GALNT13: variants seen among roughly 807,000 people sequenced by gnomAD.
The protein encoded by GALNT13 is UDP-GalNAc:polypeptide N-acetylgalactosaminyltransferase 13.
A neutral mutation model predicts 64.2 loss-of-function variants in GALNT13; 28 were observed. The ratio of observed to expected loss-of-function variants is 0.44; its 90% CI spans 0.32 to 0.60. The LOEUF is 0.60. Among genes scored for constraint, GALNT13 ranks in the 20% least tolerant of loss-of-function variants. The pLI is 0.05. For missense variants in GALNT13, 577 were observed against 669.8 expected, an observed-to-expected ratio of 0.86 and a Z score of 1.53; for synonymous variants, 214 against 224.6, an observed-to-expected ratio of 0.95 and a Z score of 0.42.
At chr2:153,276,457 T>A in the GALNT13 span, among the ~76,000 whole-genome samples, 1 of 152,078 alleles carries the variant, frequency 6.6e-6, no homozygotes, top group East Asian at 1.9e-4. Flanking sequence ...GTGATCTAAT[T>A]ATATGTTTTC....
the GALNT13 span, among the ~76,000 whole-genome samples, chr2:153,497,677 A>G: frequency 3.3e-5 from 5 of 151,666 alleles, no homozygotes; most frequent in African/African-American, 1.2e-4. Context: ...AGCTGGGATT[A>G]TAGGCGCCCA....
intron 3 of GALNT13, among the ~76,000 whole-genome samples, chr2:153,998,109 T>C (rs1354084273): frequency 1.3e-5 from 2 of 152,186 alleles, no homozygotes; most frequent in East Asian, 3.9e-4. Context: ...AACATATGTG[T>C]GCATGTGTCT....
chr2:154,248,220 G>C (rs1689884174), intron 7 of GALNT13, among the ~76,000 whole-genome samples: 1 of 152,100 alleles, frequency 6.6e-6, no homozygotes, highest in Non-Finnish European at 1.5e-5. Flanking sequence ...TGAAAGCCAA[G>C]TTGAACTTGT....
the GALNT13 span, among the ~76,000 whole-genome samples, chr2:153,835,975 C>T: frequency 6.6e-6 from 1 of 151,940 alleles, no homozygotes; most frequent in Non-Finnish European, 1.5e-5. Context: ...ATTGAGTTTG[C>T]CTTAATGTGC....
the GALNT13 span, among the ~76,000 whole-genome samples, chr2:153,391,830 A>G: frequency 6.6e-6 from 1 of 151,720 alleles, no homozygotes; most frequent in Non-Finnish European, 1.5e-5. Context: ...TTTTAGTATA[A>G]AATATAATTA....
the GALNT13 span, among the ~76,000 whole-genome samples, chr2:153,108,410 T>C: frequency 6.6e-6 from 1 of 152,148 alleles, no homozygotes; most frequent in East Asian, 1.9e-4. Context: ...TTTAACTCTT[T>C]ATCTGTCTTT....
At chr2:153,780,260 C>CATAT in the GALNT13 span, among the ~76,000 whole-genome samples, 26 of 115,268 alleles carry the variant, frequency 2.3e-4, no homozygotes, top group Admixed American at 1.5e-3. Flanking sequence ...TATATATATG[C>CATAT]ATATATATAT....
intron 1 of GALNT13, among the ~76,000 whole-genome samples, chr2:153,876,048 A>G (rs1466383264): frequency 6.6e-6 from 1 of 152,166 alleles, no homozygotes; most frequent in Non-Finnish European, 1.5e-5. Flanking sequence ...TAATTATCAA[A>G]GGATTTAAAC....
chr2:154,237,658 A>G (rs1689266674), intron 4 of GALNT13, among the ~76,000 whole-genome samples: 1 of 151,090 alleles, frequency 6.6e-6, no homozygotes, highest in Admixed American at 6.6e-5. Flanking sequence ...AAATTATTGT[A>G]TTCACATGTG....
intron 3 of GALNT13, among the ~76,000 whole-genome samples, chr2:154,050,893 A>C (rs1699567526): frequency 6.6e-6 from 1 of 152,216 alleles, no homozygotes; most frequent in Non-Finnish European, 1.5e-5. Context: ...AAAAGAAATT[A>C]ACCACATGCC....
the GALNT13 span, chr2:153,593,240 G>C: frequency 6.6e-6 from 1 of 152,338 alleles, no homozygotes; most frequent in African/African-American, 2.4e-5. Flanking sequence ...GGGGTACCCA[G>C]TGAGAGTGAG....
At chr2:153,691,973 C>G in the GALNT13 span, among the ~76,000 whole-genome samples, 2 of 151,776 alleles carry the variant, frequency 1.3e-5, no homozygotes, top group African/African-American at 2.4e-5. Context: ...TGGAAACAGC[C>G]CAAACACCAT....
chr2:154,141,801 G>T (rs1683275340), intron 4 of GALNT13, among the ~76,000 whole-genome samples: 1 of 152,068 alleles, frequency 6.6e-6, no homozygotes, highest in Non-Finnish European at 1.5e-5. Flanking sequence ...TTTATAATTA[G>T]AATGCTTAAT....
the GALNT13 span, among the ~76,000 whole-genome samples, chr2:153,259,030 A>G: frequency 1.8e-4 from 27 of 152,194 alleles, 1 homozygote; most frequent in Admixed American, 1.8e-3. Flanking sequence ...GATCTGTCCA[A>G]TGCTGACAAT....
chr2:153,339,861 C>A, the GALNT13 span, among the ~76,000 whole-genome samples: 1 of 152,152 alleles, frequency 6.6e-6, no homozygotes, highest in African/African-American at 2.4e-5. Context: ...AGAGACTATT[C>A]TTTCCCCATT....
chr2:154,124,113 T>G (rs1445579205), intron 3 of GALNT13, among the ~76,000 whole-genome samples: 2 of 152,042 alleles, frequency 1.3e-5, no homozygotes, highest in African/African-American at 2.4e-5. Flanking sequence ...GTTTTATATT[T>G]TCCCCTACAT....
At chr2:153,793,504 C>T in the GALNT13 span, among the ~76,000 whole-genome samples, 1 of 152,066 alleles carries the variant, frequency 6.6e-6, no homozygotes, top group Non-Finnish European at 1.5e-5. Flanking sequence ...ACCCACAGCT[C>T]CTCAAATGAC....
At chr2:154,402,492 G>A (rs890950396) in intron 10 of GALNT13, among the ~76,000 whole-genome samples, 1 of 152,196 alleles carries the variant, frequency 6.6e-6, no homozygotes, top group Non-Finnish European at 1.5e-5. Flanking sequence ...AAAAGATTAT[G>A]TGTAAACATA....
At chr2:153,619,682 T>G in the GALNT13 span, among the ~76,000 whole-genome samples, 1 of 152,122 alleles carries the variant, frequency 6.6e-6, no homozygotes, top group Non-Finnish European at 1.5e-5. Flanking sequence ...CTTTATTTCT[T>G]CTTCATGTTT....
Sources: allele counts gnomAD v4.1 joint callset (sites outside exome capture counted in the v4.1 genomes callset), GRCh38; gene constraint gnomAD v4.1.1; transcripts MANE v1.5; gene names NCBI Gene and HGNC (gene_info 2026-07-23, HGNC 2026-07-21).